The following AMN1 variants were observed in gnomAD, a reference collection of about 807,000 sequenced individuals.
AMN1 encodes the protein antagonist of mitotic exit network 1 homolog.
Under a neutral mutation model 33.0 loss-of-function variants are expected in AMN1, and 20 were observed. That is an observed-to-expected ratio of 0.61 (90% CI 0.43 to 0.88). The LOEUF is 0.88. AMN1 is among the 40% of genes least tolerant of loss of function. The probability of loss-of-function intolerance (pLI) is 0.00; values close to 1 mark genes in which losing one functional copy is unlikely to be tolerated. For missense variants in AMN1, 246 were observed against 307.4 expected (o/e 0.80, Z 1.49); for synonymous variants, 114 against 111.9 (o/e 1.02, Z -0.12).
At chr12:31,705,491 C>CA (rs543799623) in intron 2 of AMN1, among the ~76,000 whole-genome samples, 70 of 144,634 alleles carry the variant, frequency 4.8e-4, no homozygotes, top group East Asian at 1.8e-3. Context: ...GACCCTGTCT[C>CA]AAAAAAAAAA....
chr12:31,708,209 G>C (rs370097824), intron 2 of AMN1, among the ~76,000 whole-genome samples: 1 of 152,192 alleles, frequency 6.6e-6, no homozygotes, highest in South Asian at 2.1e-4. Flanking sequence ...GCAAGTAGGA[G>C]AGATATTGCT....
At chr12:31,709,466 T>C in intron 1 of AMN1, 41 bp from the exon 2 acceptor site, 2 of 1,570,194 alleles carry the variant, frequency 1.3e-6, no homozygotes, top group Non-Finnish European at 1.7e-6. Flanking sequence ...ACTGGGCCTG[T>C]ACTGATTCCT....
chr12:31,718,582 T>C (rs529472532), intron 1 of AMN1, among the ~76,000 whole-genome samples: 52 of 152,324 alleles, frequency 3.4e-4, no homozygotes, highest in African/African-American at 1.1e-3. Flanking sequence ...TGGTGACCTA[T>C]GGATGGGGTT....
At chr12:31,681,491 A>T (rs997352099) in intron 6 of AMN1, among the ~76,000 whole-genome samples, 3 of 152,064 alleles carry the variant, frequency 2.0e-5, no homozygotes, top group African/African-American at 7.2e-5. Context: ...GGCCTCCCAA[A>T]GTTCTGGGAT....
intron 1 of AMN1, among the ~76,000 whole-genome samples, chr12:31,716,546 G>A (rs73090374): frequency 2.6e-5 from 4 of 152,062 alleles, no homozygotes; most frequent in Non-Finnish European, 5.9e-5. Context: ...CATTTTAGTG[G>A]GTATATAATA....
intron 6 of AMN1, among the ~76,000 whole-genome samples, chr12:31,677,081 G>A (rs1283190229): frequency 6.6e-6 from 1 of 151,466 alleles, no homozygotes; most frequent in Non-Finnish European, 1.5e-5. Context: ...GGCGGATCAC[G>A]AGGTCAGGAG....
chr12:31,689,662 T>C (rs1189629858), intron 5 of AMN1, among the ~76,000 whole-genome samples: 2 of 152,094 alleles, frequency 1.3e-5, no homozygotes, highest in Non-Finnish European at 2.9e-5. Flanking sequence ...CCAAGAAAAA[T>C]AAAAACATAT....
intron 6 of AMN1, among the ~76,000 whole-genome samples, chr12:31,674,967 A>G (rs1407532279): frequency 2.0e-5 from 3 of 151,460 alleles, no homozygotes; most frequent in Non-Finnish European, 2.9e-5. Flanking sequence ...GATTGCAGTG[A>G]GCTGAGATGG....
intron 5 of AMN1, among the ~76,000 whole-genome samples, chr12:31,694,889 G>C (rs1233341424): frequency 1.3e-5 from 2 of 151,734 alleles, no homozygotes; most frequent in Non-Finnish European, 2.9e-5. Flanking sequence ...GGATCACTGA[G>C]GCCAGGAGTT....
chr12:31,685,500 C>T (rs61932063), intron 6 of AMN1, among the ~76,000 whole-genome samples: 1 of 151,916 alleles, frequency 6.6e-6, no homozygotes, highest in Non-Finnish European at 1.5e-5. Context: ...ACATTTTTTC[C>T]ACTATAGAAC....
chr12:31,727,139 G>A (rs777364822), intron 1 of AMN1, among the ~76,000 whole-genome samples: 4 of 152,114 alleles, frequency 2.6e-5, no homozygotes, highest in Non-Finnish European at 5.9e-5. Context: ...ACAGGTGTGA[G>A]CCACCATGCC....
chr12:31,713,250 A>G (rs866202700), intron 1 of AMN1, among the ~76,000 whole-genome samples: 6 of 152,042 alleles, frequency 3.9e-5, no homozygotes, highest in East Asian at 1.9e-4. Flanking sequence ...ATCTCTCTCC[A>G]TGTATGTATA....
At chr12:31,674,339 C>T (rs943235223) in intron 6 of AMN1, among the ~76,000 whole-genome samples, 11 of 151,300 alleles carry the variant, frequency 7.3e-5, no homozygotes, top group Middle Eastern at 3.4e-3. Flanking sequence ...ACCAGGGAGG[C>T]GGAGATTGCA....
intron 5 of AMN1, among the ~76,000 whole-genome samples, chr12:31,693,686 G>A (rs1938599749): frequency 6.6e-6 from 1 of 151,872 alleles, no homozygotes; most frequent in Non-Finnish European, 1.5e-5. Context: ...GGGATTACAG[G>A]CATGCGCCAC....
intron 5 of AMN1, among the ~76,000 whole-genome samples, chr12:31,695,595 C>T (rs1938690533): frequency 6.6e-6 from 1 of 151,070 alleles, no homozygotes; most frequent in African/African-American, 2.4e-5. Context: ...AAGTGATTCT[C>T]CTATCTCAGG....
intron 5 of AMN1, among the ~76,000 whole-genome samples, chr12:31,694,303 A>C (rs1387132425): frequency 6.6e-6 from 1 of 151,750 alleles, no homozygotes; most frequent in East Asian, 1.9e-4. Flanking sequence ...TTAGCTGGGC[A>C]TGGTGGCAGC....
chr12:31,727,540 C>T (rs1038642608), intron 1 of AMN1, among the ~76,000 whole-genome samples: 4 of 152,280 alleles, frequency 2.6e-5, no homozygotes, highest in South Asian at 4.1e-4. Context: ...TTCTACCTTT[C>T]CTGCCTGTCA....
At chr12:31,703,931 G>C (rs56311662) in intron 2 of AMN1, among the ~76,000 whole-genome samples, 5,026 of 152,204 alleles carry the variant, frequency 0.033, 280 homozygotes, top group African/African-American at 0.11. Context: ...TTTTCTCTCT[G>C]TGCTTTACTA....
chr12:31,710,195 C>T (rs1217541219), intron 1 of AMN1, among the ~76,000 whole-genome samples: 1 of 152,154 alleles, frequency 6.6e-6, no homozygotes, highest in African/African-American at 2.4e-5. Flanking sequence ...ACAGAGATAT[C>T]AAACTCAGTG....
Sources: gnomAD v4.1 joint callset for allele counts (sites outside exome capture counted in the v4.1 genomes callset) on GRCh38, gnomAD v4.1.1 for gene constraint, MANE v1.5 for transcripts, NCBI Gene and HGNC (gene_info 2026-07-23, HGNC 2026-07-21) for gene names.